The following SAMD5 variants were observed in gnomAD, a reference collection of about 807,000 sequenced individuals.
The protein encoded by SAMD5 is sterile alpha motif domain-containing protein 5.
A neutral mutation model predicts 11.3 loss-of-function variants in SAMD5; 13 were observed. That is an observed-to-expected ratio of 1.15 (90% CI 0.75 to 1.83). The LOEUF (loss-of-function observed/expected upper bound fraction) is 1.83, where lower values mean the gene tolerates loss of function less well. Ranked by LOEUF, SAMD5 falls within the 40% of genes most tolerant of loss-of-function variation. The pLI, the probability that SAMD5 is intolerant of heterozygous loss-of-function variation, is 0.00. For missense variants in SAMD5, 255 were observed against 239.1 expected, an observed-to-expected ratio of 1.07 and a Z score of -0.44; for synonymous variants, 129 against 111.3, an observed-to-expected ratio of 1.16 and a Z score of -1.00.
intron 1 of SAMD5, among the ~76,000 whole-genome samples, chr6:147,649,797 A>G (rs1790457329): frequency 6.6e-6 from 1 of 152,190 alleles, no homozygotes; most frequent in East Asian, 1.9e-4. Flanking sequence ...TCTCAAAAAA[A>G]AAAAAAAAAA....
At chr6:147,739,140 AGAC>A (rs1791844476), downstream of SAMD5, among the ~76,000 whole-genome samples, 1 of 152,218 alleles carries the variant, frequency 6.6e-6, no homozygotes, top group African/African-American at 2.4e-5. Flanking sequence ...GTTTCCCTTC[AGAC>A]AGAGCAGGGC....
intron 1 of SAMD5, among the ~76,000 whole-genome samples, chr6:147,608,678 G>A (rs1789736944): frequency 2.0e-5 from 3 of 152,034 alleles, no homozygotes; most frequent in Admixed American, 2.0e-4. Context: ...GGGTGGGGAT[G>A]GTTAATGGGT....
At chr6:147,561,216 C>T (rs11963369) in intron 1 of SAMD5, among the ~76,000 whole-genome samples, 1,964 of 152,204 alleles carry the variant, frequency 0.013, 25 homozygotes, top group South Asian at 0.049. Flanking sequence ...TATTTTGAGA[C>T]GGAGTCTCTG....
chr6:147,754,679 A>G, the SAMD5 span, among the ~76,000 whole-genome samples: 1 of 152,004 alleles, frequency 6.6e-6, no homozygotes, highest in South Asian at 2.1e-4. Flanking sequence ...TTCTTGTATT[A>G]GTTTCATAGT....
At chr6:147,703,872 A>C (rs1039957363) in intron 1 of SAMD5, among the ~76,000 whole-genome samples, 1 of 152,032 alleles carries the variant, frequency 6.6e-6, no homozygotes, top group Non-Finnish European at 1.5e-5. Flanking sequence ...TTATACTTGG[A>C]AATTCTACAT....
intron 1 of SAMD5, among the ~76,000 whole-genome samples, chr6:147,530,609 C>T (rs750005247): frequency 2.0e-5 from 3 of 152,174 alleles, no homozygotes; most frequent in Non-Finnish European, 4.4e-5. Flanking sequence ...CTTTGTGGTC[C>T]TTGTTGAGGT....
At chr6:147,698,862 A>G (rs994890098) in intron 1 of SAMD5, among the ~76,000 whole-genome samples, 1 of 152,190 alleles carries the variant, frequency 6.6e-6, no homozygotes, top group South Asian at 2.1e-4. Context: ...GAGGCTGAGA[A>G]TGGAAGAACG....
chr6:147,760,804 C>G, the SAMD5 span, among the ~76,000 whole-genome samples: 1 of 152,248 alleles, frequency 6.6e-6, no homozygotes, highest in South Asian at 2.1e-4. Flanking sequence ...AATCTACCTC[C>G]TTCATGATTT....
chr6:147,942,612 T>C, the SAMD5 span, among the ~76,000 whole-genome samples: 35,079 of 152,112 alleles, frequency 0.23, 4,637 homozygotes, highest in African/African-American at 0.35. Context: ...AATATGCAGA[T>C]ACTGATCTGT....
At chr6:147,735,014 C>A (rs1791775266) in intron 1 of SAMD5, among the ~76,000 whole-genome samples, 1 of 152,108 alleles carries the variant, frequency 6.6e-6, no homozygotes, top group Non-Finnish European at 1.5e-5. Context: ...AAAGCCAGCA[C>A]AATCAAGAGA....
At chr6:147,663,677 G>A (rs71566492) in intron 1 of SAMD5, among the ~76,000 whole-genome samples, 13,377 of 150,710 alleles carry the variant, frequency 0.089, 883 homozygotes, top group East Asian at 0.26. Flanking sequence ...CTGTAATCCC[G>A]GCTACTCAGG....
intron 1 of SAMD5, among the ~76,000 whole-genome samples, chr6:147,517,639 G>A (rs1441905791): frequency 1.3e-5 from 2 of 152,170 alleles, no homozygotes; most frequent in Non-Finnish European, 2.9e-5. Flanking sequence ...TCACTTGGAA[G>A]ATCACAGTGT....
At chr6:147,897,113 T>C in the SAMD5 span, among the ~76,000 whole-genome samples, 3 of 152,228 alleles carry the variant, frequency 2.0e-5, no homozygotes, top group African/African-American at 7.2e-5. Context: ...ATTCTAAATA[T>C]ACTAAAAATG....
At chr6:147,707,982 C>G (rs1382395984) in intron 1 of SAMD5, among the ~76,000 whole-genome samples, 4 of 152,128 alleles carry the variant, frequency 2.6e-5, no homozygotes, top group African/African-American at 9.7e-5. Context: ...AACTTACCAT[C>G]TTTCTGGCCT....
chr6:147,533,158 C>G lies in SAMD5; in HGVS notation c.459+23771C>G, dbSNP rs954677520. 9.2e-5 allele frequency among the ~76,000 whole-genome samples: 14 copies of G among 152,222 alleles called. No individual in the cohort carries two copies. In the South Asian group the frequency reaches 2.7e-3, roughly 29 times the overall value. On this transcript the variant is annotated intron_variant, in intron 1 of 1. Transcript: ENST00000367474. The stretch of plus-strand genomic sequence containing the variant: ...AACATAGGGGCCCAGACCAATCCAC[C>G]AAGCCCCGGGGCAGGTCCAGGGCTT...
intron 1 of SAMD5, 28 bp downstream of exon 1, chr6:147,509,415 G>C: frequency 6.7e-7 from 1 of 1,496,034 alleles, no homozygotes; most frequent in Non-Finnish European, 8.9e-7. Flanking sequence ...GGGCGGCCCG[G>C]GGCGCGCGGC....
At chr6:147,743,309 C>G in the SAMD5 span, 1 of 152,202 alleles carries the variant, frequency 6.6e-6, no homozygotes, top group Non-Finnish European at 1.5e-5. Flanking sequence ...AAATCAAGAC[C>G]ATCCTGGCTA....
the SAMD5 span, among the ~76,000 whole-genome samples, chr6:147,787,862 G>A: frequency 6.0e-4 from 92 of 152,156 alleles, no homozygotes; most frequent in Non-Finnish European, 1.1e-3. Context: ...AATGAGTTAC[G>A]TGTACTATCA....
chr6:147,558,447 A>T (rs1214687728), intron 1 of SAMD5, among the ~76,000 whole-genome samples: 7 of 152,164 alleles, frequency 4.6e-5, no homozygotes, highest in Admixed American at 1.3e-4. Flanking sequence ...CACATTTTGG[A>T]TGGTATTCGG....
Sources: allele counts gnomAD v4.1 joint callset (sites outside exome capture counted in the v4.1 genomes callset), GRCh38; gene constraint gnomAD v4.1.1; transcripts MANE v1.5; gene names NCBI Gene and HGNC (gene_info 2026-07-23, HGNC 2026-07-21).